The following PRDM16 variants were observed in gnomAD, a reference collection of about 807,000 sequenced individuals.
PRDM16 encodes the protein histone-lysine N-methyltransferase PRDM16.
PRDM16 carries 23 observed loss-of-function variants against 110.6 expected under a neutral mutation model. The ratio of observed to expected loss-of-function variants is 0.21; its 90% confidence interval spans 0.15 to 0.29. The LOEUF (loss-of-function observed/expected upper bound fraction) is 0.29, where lower values mean the gene tolerates loss of function less well. Among genes scored for constraint, PRDM16 ranks in the 10% least tolerant of loss-of-function variants. The pLI is 1.00. For missense variants in PRDM16, 1,615 were observed against 1,794.3 expected, an observed-to-expected ratio of 0.90 and a Z score of 1.81; for synonymous variants, 799 against 781.8, an observed-to-expected ratio of 1.02 and a Z score of -0.37.
intron 16 of PRDM16, 86 bp downstream of exon 16, chr1:3,432,226 C>T: frequency 7.8e-7 from 1 of 1,283,016 alleles, no homozygotes; most frequent in Admixed American, 1.9e-5. Context: ...CCGTGGCCCT[C>T]CTAGGCCTGA....
intron 3 of PRDM16, among the ~76,000 whole-genome samples, chr1:3,371,708 G>A (rs913789414): frequency 6.6e-6 from 1 of 152,234 alleles, no homozygotes; most frequent in African/African-American, 2.4e-5. Flanking sequence ...AGAGGAGAGT[G>A]AGCAGGGCAG....
intron 1 of PRDM16, among the ~76,000 whole-genome samples, chr1:3,120,568 G>T (rs1395836025): frequency 6.6e-6 from 1 of 152,178 alleles, no homozygotes; most frequent in Non-Finnish European, 1.5e-5. Context: ...AACCCAGGCA[G>T]CCAGAAAGGA....
chr1:3,414,764 C>A, intron 10 of PRDM16, 117 bp downstream of exon 10: 1 of 724,934 alleles, frequency 1.4e-6, no homozygotes, highest in South Asian at 1.7e-5. Flanking sequence ...GGCCATACCA[C>A]GCACAGACGC....
chr1:3,413,887 G>A (rs540874741), intron 9 of PRDM16, among the ~76,000 whole-genome samples: 148 of 152,290 alleles, frequency 9.7e-4, no homozygotes, highest in Non-Finnish European at 1.6e-3. Context: ...ACCGGCATCT[G>A]GGGAAGGTTC....
At chr1:3,376,929 T>C (rs975029541) in intron 3 of PRDM16, among the ~76,000 whole-genome samples, 7 of 152,180 alleles carry the variant, frequency 4.6e-5, no homozygotes, top group Non-Finnish European at 4.4e-5. Flanking sequence ...GGCATCAGGA[T>C]GGGGATTTAT....
intron 1 of PRDM16, among the ~76,000 whole-genome samples, chr1:3,145,401 C>T (rs1643627770): frequency 1.3e-5 from 2 of 152,192 alleles, no homozygotes. Flanking sequence ...GCCAGGTGGC[C>T]ACACTGTGCT....
chr1:3,422,835 G>A (rs1253286510), intron 12 of PRDM16, among the ~76,000 whole-genome samples: 4 of 152,246 alleles, frequency 2.6e-5, no homozygotes, highest in Non-Finnish European at 4.4e-5. Flanking sequence ...AAGCCAGGGC[G>A]CTGCCTGTCA....
intron 3 of PRDM16, among the ~76,000 whole-genome samples, chr1:3,294,219 G>T (rs1025220795): frequency 1.3e-5 from 2 of 152,140 alleles, no homozygotes; most frequent in African/African-American, 4.8e-5. Flanking sequence ...GCAAAATCTT[G>T]TCAGGTATAA....
At chr1:3,228,277 A>G (rs1364091873) in intron 2 of PRDM16, among the ~76,000 whole-genome samples, 3 of 152,224 alleles carry the variant, frequency 2.0e-5, no homozygotes, top group Admixed American at 1.3e-4. Context: ...AGACGCCTTG[A>G]AAGTGGAACA....
chr1:3,359,706 T>TG lies in PRDM16; in HGVS notation c.439-25444dup, dbSNP rs1215275553. ...TGGCAATCTTGACTTCTTTCCCCCT[T>TG]GGAAAAAAAGCGTCCTCTGTGTGCC... On this transcript the variant is annotated intron_variant, in intron 3 of 16. Transcript: ENST00000270722. The surrounding 1 kb of genome is among the most constrained non-coding windows in gnomAD (Gnocchi z 4.3). Among the ~76,000 whole-genome samples the TG allele has an allele frequency of 6.6e-6, 1 of 152,066 alleles. No individual in the cohort carries two copies. Among genetic ancestry groups the TG allele is most frequent in the Admixed American group, 6.5e-5 (1 of 15,278 alleles).
intron 1 of PRDM16, among the ~76,000 whole-genome samples, chr1:3,073,430 A>C (rs1641814261): frequency 6.6e-6 from 1 of 152,268 alleles, no homozygotes; most frequent in Non-Finnish European, 1.5e-5. Context: ...ATTTTCAAAT[A>C]GCGTTAAATA....
intron 12 of PRDM16, among the ~76,000 whole-genome samples, chr1:3,419,464 G>T (rs1384133394): frequency 6.6e-6 from 1 of 152,208 alleles, no homozygotes; most frequent in Non-Finnish European, 1.5e-5. Flanking sequence ...CCGAGGCTCA[G>T]AGATGCCCCA....
At chr1:3,181,138 G>GC (rs1348876032) in intron 1 of PRDM16, among the ~76,000 whole-genome samples, 3 of 112,774 alleles carry the variant, frequency 2.7e-5, no homozygotes, top group Admixed American at 1.0e-4. Context: ...TCTTACACGC[G>GC]GTCTTACACA....
intron 1 of PRDM16, among the ~76,000 whole-genome samples, chr1:3,071,894 GGA>G (rs1207572530): frequency 1.3e-5 from 2 of 152,246 alleles, no homozygotes; most frequent in African/African-American, 4.8e-5. Flanking sequence ...GTGTTTCCCT[GGA>G]GACCCCACTC....
At chr1:3,338,564 G>A (rs1434182959) in intron 3 of PRDM16, among the ~76,000 whole-genome samples, 1 of 152,214 alleles carries the variant, frequency 6.6e-6, no homozygotes, top group Non-Finnish European at 1.5e-5. Flanking sequence ...TGCCCAGGGT[G>A]GCCAGTTGAT....
chr1:3,404,070 G>T (rs555364880), intron 6 of PRDM16, among the ~76,000 whole-genome samples: 3 of 152,250 alleles, frequency 2.0e-5, no homozygotes, highest in African/African-American at 7.2e-5. Flanking sequence ...CGGGAACCAG[G>T]CGTTTCTGAT....
At position 3,412,660 on chromosome 1, in the gene PRDM16, G is replaced by A; in HGVS notation, c.2463G>A (p.Glu821=). The change falls in exon 9 of 17, where the codon GAG becomes GAA. Residue 821 remains glutamate, a synonymous_variant. Transcript: ENST00000270722. ...CCAGCCAAAACGGCGGCGGGCGGGA[G>A]CCCCGCAAGAACCACGTCTATGGGG... ...ARASQNGGGR[E]PRKNHVYGER... 1 of 1,530,678 alleles carries A rather than the reference G, an allele frequency of 6.5e-7. No individual in the cohort carries two copies. Among genetic ancestry groups the A allele is most frequent in the Admixed American group, 2.1e-5 (1 of 48,632 alleles). The allele number at this position is 1,530,678 out of a possible 1,614,324, so 94.8% of individuals were successfully genotyped here. A position where few individuals can be genotyped will look rare whatever the true frequency, so the allele number is the denominator to read the frequency against.
At position 3,432,008 on chromosome 1, in the gene PRDM16, G is replaced by C; in HGVS notation, c.3564G>C (p.Pro1188=). 1.2e-6 allele frequency: 2 copies of C among 1,614,072 alleles called. No homozygotes were observed. The highest frequency in any genetic ancestry group is 2.2e-5 in the East Asian group (1 of 44,888). The change falls in exon 16 of 17, where the codon CCG becomes CCC. Residue 1188 remains proline (P), a synonymous_variant. Coordinates refer to ENST00000270722, the MANE Select transcript of PRDM16 (RefSeq NM_022114.4). The part of the protein sequence containing the change: ...DHEGGLLALE[P]MPTFGKGLDL... ...AAGGCGGTCTGTTAGCTTTGGAGCC[G>C]ATGCCGACTTTTGGGAAGGGGCTGG... is the stretch of plus-strand genomic sequence containing the variant.
intron 1 of PRDM16, among the ~76,000 whole-genome samples, chr1:3,155,744 TA>T: frequency 6.6e-6 from 1 of 152,336 alleles, no homozygotes; most frequent in South Asian, 2.1e-4. Context: ...AAATAAAATC[TA>T]GGTGGTTGCA....
Sources: gnomAD v4.1 joint callset for allele counts (sites outside exome capture counted in the v4.1 genomes callset) on GRCh38, gnomAD v4.1.1 for gene constraint, Gnocchi (gnomAD v3.1) non-coding constraint, MANE v1.5 for transcripts, NCBI Gene and HGNC (gene_info 2026-07-23, HGNC 2026-07-21) for gene names.